Variants in FHOD3 observed in about 807,000 individuals in gnomAD.
The protein encoded by FHOD3 is formin homology 2 domain containing 3, also known as FH1/FH2 domain-containing protein 3.
FHOD3 carries 90 observed loss-of-function variants against 173.0 expected under a neutral mutation model. The observed-to-expected ratio is 0.52, with a 90% CI of 0.44 to 0.62. FHOD3 has a LOEUF of 0.62. FHOD3 is among the 20% of genes least tolerant of loss of function. The pLI, the probability that FHOD3 is intolerant of heterozygous loss-of-function variation, is 0.00. For missense variants in FHOD3, 1,945 were observed against 2,034.7 expected, an observed-to-expected ratio of 0.96 and a Z score of 0.85; for synonymous variants, 828 against 823.0, an observed-to-expected ratio of 1.01 and a Z score of -0.10.
chr18:36,352,027 G>C (rs1568159392), intron 1 of FHOD3, among the ~76,000 whole-genome samples: 1 of 152,168 alleles, frequency 6.6e-6, no homozygotes, highest in Admixed American at 6.5e-5. Flanking sequence ...GCCAAGAGCA[G>C]TATGTGCTAG....
At chr18:36,436,827 G>T (rs2050833119) in intron 3 of FHOD3, among the ~76,000 whole-genome samples, 1 of 152,128 alleles carries the variant, frequency 6.6e-6, no homozygotes, top group African/African-American at 2.4e-5. Context: ...TTTCATTTTG[G>T]ATAAAAGTTG....
chr18:36,493,661 C>T (rs547532789), intron 3 of FHOD3, among the ~76,000 whole-genome samples: 1 of 152,182 alleles, frequency 6.6e-6, no homozygotes, highest in Non-Finnish European at 1.5e-5. Flanking sequence ...AGCTAAATGC[C>T]TGGCAGATAA....
At chr18:36,614,004 A>G (rs1235940224) in intron 9 of FHOD3, among the ~76,000 whole-genome samples, 1 of 151,968 alleles carries the variant, frequency 6.6e-6, no homozygotes, top group Non-Finnish European at 1.5e-5. Context: ...TTTGCCCTCC[A>G]CCCATCCTTC....
At chr18:36,425,675 G>A (rs1400321242) in intron 3 of FHOD3, among the ~76,000 whole-genome samples, 1 of 152,054 alleles carries the variant, frequency 6.6e-6, no homozygotes, top group Non-Finnish European at 1.5e-5. Context: ...TTTGATCTGG[G>A]TTTGTTTTAA....
intron 3 of FHOD3, among the ~76,000 whole-genome samples, chr18:36,454,298 G>A (rs1445354894): frequency 6.6e-6 from 1 of 151,916 alleles, no homozygotes; most frequent in Non-Finnish European, 1.5e-5. Context: ...AGTACACCCA[G>A]GGACACACAT....
chr18:36,321,617 T>G (rs1031931677), intron 1 of FHOD3, among the ~76,000 whole-genome samples: 1 of 152,174 alleles, frequency 6.6e-6, no homozygotes, highest in African/African-American at 2.4e-5. Flanking sequence ...CAAATGCCAG[T>G]CACTGGGTGA....
At chr18:36,329,528 A>G (rs993123550) in intron 1 of FHOD3, among the ~76,000 whole-genome samples, 9 of 152,154 alleles carry the variant, frequency 5.9e-5, no homozygotes, top group East Asian at 1.9e-4. Context: ...TCTCAAGATG[A>G]TGAAGGTGTT....
At chr18:36,586,235 G>T (rs1184740980) in intron 6 of FHOD3, among the ~76,000 whole-genome samples, 1 of 152,210 alleles carries the variant, frequency 6.6e-6, no homozygotes, top group Admixed American at 6.5e-5. Context: ...ATAGTGGAAA[G>T]AATCAGATTG....
At chr18:36,728,802 C>A (rs1172363150) in intron 19 of FHOD3, among the ~76,000 whole-genome samples, 1 of 152,126 alleles carries the variant, frequency 6.6e-6, no homozygotes, top group Admixed American at 6.5e-5. Flanking sequence ...AGCCAGGGCC[C>A]CTGCTTTAGA....
intron 5 of FHOD3, among the ~76,000 whole-genome samples, chr18:36,534,001 A>G (rs751357238): frequency 6.6e-6 from 1 of 152,124 alleles, no homozygotes; most frequent in African/African-American, 2.4e-5. Context: ...CCTGCCTCCA[A>G]TGATAAGAAG....
At chr18:36,771,837 T>C (rs998859337) in intron 28 of FHOD3, among the ~76,000 whole-genome samples, 9 of 152,228 alleles carry the variant, frequency 5.9e-5, no homozygotes, top group African/African-American at 1.9e-4. Flanking sequence ...CATGGCACCC[T>C]GACAGAGGGT....
intron 3 of FHOD3, among the ~76,000 whole-genome samples, chr18:36,402,506 TAC>T (rs146120105): frequency 0.032 from 4,610 of 143,800 alleles, 71 homozygotes; most frequent in African/African-American, 0.048. Context: ...GATGCAATTA[TAC>T]ACACACACAC....
chr18:36,642,413 A>T (rs1170250141), intron 10 of FHOD3, among the ~76,000 whole-genome samples: 1 of 151,904 alleles, frequency 6.6e-6, no homozygotes, highest in Admixed American at 6.6e-5. Context: ...AGGTCAGGAG[A>T]TCGAGACCAT....
intron 5 of FHOD3, among the ~76,000 whole-genome samples, chr18:36,561,959 GTGTATTGTATTGTAT>G (rs36233913): frequency 0.029 from 3,749 of 127,148 alleles, 56 homozygotes; most frequent in Middle Eastern, 0.051. Flanking sequence ...CTACTACACT[GTGTATTGTATTGTAT>G]TGTATTGTAT....
intron 19 of FHOD3, among the ~76,000 whole-genome samples, chr18:36,719,876 T>C (rs1222163147): frequency 6.6e-6 from 1 of 152,166 alleles, no homozygotes; most frequent in Non-Finnish European, 1.5e-5. Context: ...TTGATCAGCT[T>C]CCTTTCAAAA....
intron 17 of FHOD3, among the ~76,000 whole-genome samples, chr18:36,699,122 A>G (rs757141163): frequency 1.2e-4 from 18 of 152,214 alleles, no homozygotes; most frequent in Non-Finnish European, 2.2e-4. Context: ...AAGACTATCA[A>G]TGCCTTTGCT....
chr18:36,328,386 G>A (rs1037285933), intron 1 of FHOD3, among the ~76,000 whole-genome samples: 1 of 152,156 alleles, frequency 6.6e-6, no homozygotes, highest in Non-Finnish European at 1.5e-5. Context: ...AAGTGCAAGG[G>A]TCCTGAGATG....
intron 8 of FHOD3, among the ~76,000 whole-genome samples, chr18:36,606,313 C>T (rs1440273989): frequency 1.3e-5 from 2 of 152,048 alleles, no homozygotes; most frequent in African/African-American, 4.8e-5. Context: ...AAGGTACTGG[C>T]ATCTTGTGAG....
rs200164880 is a variant in FHOD3, at chr18:36,755,397, CTTTTTTTT to C, written c.4425+107_4425+114del. On this transcript the variant is annotated intron_variant, in intron 25 of 28. Coordinates refer to ENST00000590592, the MANE Select transcript of FHOD3 (RefSeq NM_001281740.3). ...ATCCTCCCCACAGTTAAAAGCTGTG[CTTTTTTTT>C]TTTTTTTTTTTTTTTTTTTTGACTA... 18,264 of 212,062 alleles carry C rather than the reference CTTTTTTTT, an allele frequency of 0.086. 716 individuals are homozygous for C. Among genetic ancestry groups the C allele is most frequent in the African/African-American group, 0.13 (4,002 of 31,552 alleles). The allele number at this position is 212,062 out of a possible 1,614,324, so 13.1% of individuals were successfully genotyped here. A position where few individuals can be genotyped will look rare whatever the true frequency, so the allele number is the denominator to read the frequency against.
Sources: gnomAD v4.1 joint callset for allele counts (sites outside exome capture counted in the v4.1 genomes callset) on GRCh38, gnomAD v4.1.1 for gene constraint, MANE v1.5 for transcripts, NCBI Gene and HGNC (gene_info 2026-07-23, HGNC 2026-07-21) for gene names.